Variants in SPOCK1 observed in about 807,000 individuals in gnomAD.
SPOCK1 encodes testican-1.
A neutral mutation model predicts 55.3 loss-of-function variants in SPOCK1; 23 were observed. The observed-to-expected ratio is 0.42, with a 90% CI of 0.30 to 0.59. The LOEUF is 0.59. Among genes scored for constraint, SPOCK1 ranks in the 20% least tolerant of loss-of-function variants. SPOCK1 has a pLI of 0.22. For missense variants in SPOCK1, 499 were observed against 552.5 expected (o/e 0.90, Z 0.97); for synonymous variants, 226 against 221.0 (o/e 1.02, Z -0.20).
At chr5:137,088,841 G>A (rs1753006339) in intron 5 of SPOCK1, among the ~76,000 whole-genome samples, 1 of 152,192 alleles carries the variant, frequency 6.6e-6, no homozygotes, top group Non-Finnish European at 1.5e-5. Context: ...CCAGGTGGAT[G>A]TGCAACTTGG....
At chr5:137,298,144 T>C (rs1757522947) in intron 2 of SPOCK1, among the ~76,000 whole-genome samples, 1 of 152,148 alleles carries the variant, frequency 6.6e-6, no homozygotes, top group South Asian at 2.1e-4. Context: ...TAAGGTACTT[T>C]TAACAGTGCT....
chr5:137,418,158 T>A (rs1250028464), intron 2 of SPOCK1, among the ~76,000 whole-genome samples: 1 of 152,216 alleles, frequency 6.6e-6, no homozygotes, highest in Non-Finnish European at 1.5e-5. Flanking sequence ...GGCTGCATAG[T>A]ATTCCATGGT....
At chr5:137,127,311 C>G (rs987116614) in intron 4 of SPOCK1, among the ~76,000 whole-genome samples, 8 of 152,234 alleles carry the variant, frequency 5.3e-5, no homozygotes, top group African/African-American at 1.9e-4. Context: ...AGGGCAATGC[C>G]CACCTACTCC....
chr5:137,058,943 A>G (rs943124974), intron 6 of SPOCK1, among the ~76,000 whole-genome samples: 4 of 152,208 alleles, frequency 2.6e-5, no homozygotes, highest in African/African-American at 7.2e-5. Context: ...GGACCAGAGC[A>G]TGTTGCCTTG....
chr5:137,224,011 G>A (rs1755904317), intron 3 of SPOCK1, among the ~76,000 whole-genome samples: 1 of 152,156 alleles, frequency 6.6e-6, no homozygotes, highest in Admixed American at 6.5e-5. Flanking sequence ...CCTAACTAAT[G>A]ATGCCAGAGA....
intron 2 of SPOCK1, among the ~76,000 whole-genome samples, chr5:137,398,058 C>T (rs1422063006): frequency 6.6e-6 from 1 of 152,034 alleles, no homozygotes; most frequent in East Asian, 1.9e-4. Context: ...CCCAGGACAC[C>T]GTCTGGGCCA....
At chr5:137,319,983 A>G (rs1166776174) in intron 2 of SPOCK1, among the ~76,000 whole-genome samples, 1 of 149,476 alleles carries the variant, frequency 6.7e-6, no homozygotes, top group Non-Finnish European at 1.5e-5. Context: ...ACAACACATG[A>G]TCCAAAAAGC....
At chr5:136,999,471 T>C (rs919210496) in intron 6 of SPOCK1, among the ~76,000 whole-genome samples, 7 of 151,888 alleles carry the variant, frequency 4.6e-5, no homozygotes, top group Non-Finnish European at 8.8e-5. Flanking sequence ...AAACAGGTAA[T>C]GGTTTTGAAA....
intron 6 of SPOCK1, among the ~76,000 whole-genome samples, chr5:136,996,778 G>T (rs1751049722): frequency 6.6e-6 from 1 of 151,990 alleles, no homozygotes; most frequent in Admixed American, 6.6e-5. Context: ...ATCACAGGGA[G>T]GATTGAAAAA....
chr5:137,149,858 C>A (rs1754280119), intron 3 of SPOCK1, among the ~76,000 whole-genome samples: 1 of 152,188 alleles, frequency 6.6e-6, no homozygotes, highest in Non-Finnish European at 1.5e-5. Flanking sequence ...AGCTTTGCCA[C>A]TTCTTGCCTA....
rs1206205645 is a variant in SPOCK1 at position 136,978,508 on chromosome 5, A to C, written c.*146T>G. The stretch of plus-strand genomic sequence containing the variant: ...TGCAAAATCAGAATCCTCTGGGAAC[A>C]AGCAGTTGTCTTCCAAACCTTAGGT... On this transcript the variant is annotated 3_prime_UTR_variant, in exon 11 of 11. Transcript: ENST00000394945. 4.3e-6 allele frequency: 3 copies of C among 694,034 alleles called. No individual in the cohort carries two copies. The highest frequency in any genetic ancestry group is 3.6e-5 in the African/African-American group (2 of 54,956). The allele number at this position is 694,034 out of a possible 1,614,324, so 43.0% of individuals were successfully genotyped here. A position where few individuals can be genotyped will look rare whatever the true frequency, so the allele number is the denominator to read the frequency against.
rs542925948 is a variant in SPOCK1 at position 137,356,742 on chromosome 5, G to A, written c.187-89687C>T. On this transcript the variant is annotated intron_variant, in intron 2 of 10. Transcript: ENST00000394945. Reference sequence around the variant, plus strand: ...TGGAGCAGAGGTTGCAGTGAGCTGAGATCATGCCACTGCACTCCATTCTGG... The same window carrying A: ...TGGAGCAGAGGTTGCAGTGAGCTGAAATCATGCCACTGCACTCCATTCTGG... Among the ~76,000 whole-genome samples, 8 of 144,230 alleles carry A rather than the reference G, an allele frequency of 5.5e-5. No individual in the cohort carries two copies. The South Asian group carries it at 1.8e-3, about 32-fold the overall frequency. 94.6% of individuals were successfully genotyped at this position (144,230 alleles called of 152,430 possible).
intron 5 of SPOCK1, among the ~76,000 whole-genome samples, chr5:137,076,440 C>T (rs1266265566): frequency 1.3e-5 from 2 of 152,060 alleles, no homozygotes; most frequent in East Asian, 3.8e-4. Flanking sequence ...ATTGAAAGTG[C>T]ATTTAATATG....
chr5:137,034,704 G>A (rs1425563319), intron 6 of SPOCK1, among the ~76,000 whole-genome samples: 5 of 152,186 alleles, frequency 3.3e-5, no homozygotes, highest in East Asian at 3.9e-4. Flanking sequence ...CTAGGTGTGC[G>A]GAGTTCCAGA....
At chr5:137,246,882 A>AC (rs778612233) in intron 3 of SPOCK1, among the ~76,000 whole-genome samples, 40 of 152,308 alleles carry the variant, frequency 2.6e-4, no homozygotes, top group Non-Finnish European at 5.1e-4. Flanking sequence ...CTTCTGCTAC[A>AC]CTGGTTCTTC....
intron 2 of SPOCK1, among the ~76,000 whole-genome samples, chr5:137,297,649 G>A (rs13182883): frequency 0.39 from 58,594 of 151,772 alleles, 11,683 homozygotes; most frequent in African/African-American, 0.47. Context: ...TCAAATCCTC[G>A]AGGAACAGGG....
chr5:137,459,126 G>T (rs1275260461), intron 2 of SPOCK1, among the ~76,000 whole-genome samples: 1 of 152,214 alleles, frequency 6.6e-6, no homozygotes, highest in Non-Finnish European at 1.5e-5. Context: ...GAACCAGACA[G>T]GGCCTGCTCT....
intron 3 of SPOCK1, among the ~76,000 whole-genome samples, chr5:137,214,353 A>G (rs1250660831): frequency 1.3e-5 from 2 of 152,210 alleles, no homozygotes; most frequent in African/African-American, 2.4e-5. Context: ...CCACCTCCCT[A>G]GAGTACCAAT....
At chr5:137,403,229 C>T (rs1010243717) in intron 2 of SPOCK1, among the ~76,000 whole-genome samples, 1 of 152,194 alleles carries the variant, frequency 6.6e-6, no homozygotes, top group Non-Finnish European at 1.5e-5. Flanking sequence ...CAGTTGAGAG[C>T]AGTCACGCTG....
Sources: gnomAD v4.1 joint callset for allele counts (sites outside exome capture counted in the v4.1 genomes callset) on GRCh38, gnomAD v4.1.1 for gene constraint, MANE v1.5 for transcripts, NCBI Gene and HGNC (gene_info 2026-07-23, HGNC 2026-07-21) for gene names.